The following PTPRD variants were observed in gnomAD, a reference collection of about 807,000 sequenced individuals.
The protein encoded by PTPRD is protein tyrosine phosphatase receptor type D, also known as receptor-type tyrosine-protein phosphatase delta.
In PTPRD, 34 loss-of-function variants were observed where a neutral mutation model predicts 214.5. The observed-to-expected ratio is 0.16, with a 90% CI of 0.12 to 0.21. PTPRD has a LOEUF of 0.21. Ranked by LOEUF, PTPRD falls within the 10% of genes least tolerant of loss-of-function variation. The pLI is 1.00. For missense variants in PTPRD, 2,545 were observed against 2,398.7 expected, an observed-to-expected ratio of 1.06 and a Z score of -1.27; for synonymous variants, 1,128 against 845.7, an observed-to-expected ratio of 1.33 and a Z score of -5.79.
chr9:9,381,151 T>A (rs1401850767), intron 9 of PTPRD, among the ~76,000 whole-genome samples: 1 of 152,126 alleles, frequency 6.6e-6, no homozygotes, highest in African/African-American at 2.4e-5. Flanking sequence ...AATCTCTGTC[T>A]TTTAATTTGT....
At chr9:8,757,481 G>C (rs1192991584) in intron 11 of PTPRD, among the ~76,000 whole-genome samples, 2 of 151,864 alleles carry the variant, frequency 1.3e-5, no homozygotes, top group Non-Finnish European at 2.9e-5. Context: ...GTGTAAGAAG[G>C]AATTAAGATG....
At chr9:10,317,810 T>G (rs1205238415) in intron 3 of PTPRD, among the ~76,000 whole-genome samples, 3 of 152,042 alleles carry the variant, frequency 2.0e-5, no homozygotes, top group Non-Finnish European at 4.4e-5. Context: ...AACGTCTGAC[T>G]ATTCTACTTA....
chr9:9,367,879 G>A (rs2058319521), intron 9 of PTPRD, among the ~76,000 whole-genome samples: 1 of 151,644 alleles, frequency 6.6e-6, no homozygotes, highest in Admixed American at 6.6e-5. Context: ...GATAATAGAG[G>A]TCTATTTTCT....
rs1166530719 is a variant in PTPRD, at chr9:8,439,935, A to ATTTTTTTTTTTTTT, written c.3989-3260_3989-3247dup. Among the ~76,000 whole-genome samples the ATTTTTTTTTTTTTT allele has an allele frequency of 1.8e-3, 134 of 73,316 alleles. 10 individuals carry two copies. Among genetic ancestry groups the ATTTTTTTTTTTTTT allele is most frequent in the Non-Finnish European group, 2.7e-3 (111 of 40,506 alleles). 48.1% of individuals were successfully genotyped at this position (73,316 alleles called of 152,430 possible). A position where few individuals can be genotyped will look rare whatever the true frequency, so the allele number is the denominator to read the frequency against. On this transcript the variant is annotated intron_variant, in intron 34 of 45. Coordinates refer to ENST00000381196, the MANE Select transcript of PTPRD (RefSeq NM_002839.4). Reference sequence around the variant, plus strand: ...CATTTAAATTACTTGATGTGCTTTAATTTTTTTTTTTTTTTTTTTTTTTTT... The same window carrying ATTTTTTTTTTTTTT: ...CATTTAAATTACTTGATGTGCTTTAATTTTTTTTTTTTTTTTTTTTTTTTTTTTTTTTTTTTTTT...
At chr9:9,675,598 T>A (rs1346745127) in intron 7 of PTPRD, among the ~76,000 whole-genome samples, 4 of 151,860 alleles carry the variant, frequency 2.6e-5, no homozygotes, top group Admixed American at 1.3e-4. Context: ...TTTAAAGCAA[T>A]ATAAAAATTT....
chr9:9,537,486 G>C (rs1175318730), intron 8 of PTPRD, among the ~76,000 whole-genome samples: 2 of 151,944 alleles, frequency 1.3e-5, no homozygotes, highest in Non-Finnish European at 2.9e-5. Context: ...TTAGTCCATA[G>C]TCTAATTTTG....
chr9:9,897,839 T>C (rs941160958), intron 5 of PTPRD, among the ~76,000 whole-genome samples: 6 of 152,114 alleles, frequency 3.9e-5, no homozygotes, highest in Non-Finnish European at 5.9e-5. Context: ...AAATTCAGCA[T>C]TGGTAAGCTT....
intron 5 of PTPRD, among the ~76,000 whole-genome samples, chr9:9,896,909 A>G (rs942835732): frequency 1.3e-5 from 2 of 152,084 alleles, no homozygotes; most frequent in Non-Finnish European, 2.9e-5. Flanking sequence ...ATAAAAATTG[A>G]TGAGTGAACG....
At position 10,441,935 on chromosome 9, in the gene PTPRD, T is replaced by G. The variant is rs188476173; in HGVS notation, c.-599-100918A>C. Among the ~76,000 whole-genome samples, 6 of 151,566 alleles carry G rather than the reference T, an allele frequency of 4.0e-5. No individual in the cohort carries two copies. The East Asian group carries it at 1.2e-3, about 29-fold the overall frequency. ...AGTTGACAAGACTAAATATGTCTAC[T>G]GTCACAAGACACATCATGTCTGATG... On this transcript the variant is annotated intron_variant, in intron 2 of 45. Coordinates refer to ENST00000381196, the MANE Select transcript of PTPRD (RefSeq NM_002839.4).
At chr9:9,862,180 C>T (rs2062926825) in intron 5 of PTPRD, among the ~76,000 whole-genome samples, 1 of 151,778 alleles carries the variant, frequency 6.6e-6, no homozygotes, top group Non-Finnish European at 1.5e-5. Flanking sequence ...ACACCTCTTG[C>T]CAAACTTGTT....
intron 5 of PTPRD, among the ~76,000 whole-genome samples, chr9:9,862,100 T>G (rs1172158627): frequency 1.3e-5 from 2 of 152,120 alleles, no homozygotes; most frequent in African/African-American, 4.8e-5. Context: ...AAACTCTCCC[T>G]ATATATTACA....
intron 8 of PTPRD, among the ~76,000 whole-genome samples, chr9:9,479,224 C>G (rs867141973): frequency 9.7e-6 from 1 of 103,416 alleles, no homozygotes; most frequent in Non-Finnish European, 2.2e-5. Flanking sequence ...CGCCCCCCCC[C>G]CCCCCACACA....
At chr9:9,477,080 G>A (rs1412599846) in intron 8 of PTPRD, among the ~76,000 whole-genome samples, 1 of 152,106 alleles carries the variant, frequency 6.6e-6, no homozygotes, top group Non-Finnish European at 1.5e-5. Flanking sequence ...TGCAAAAAAG[G>A]TACTATTTAC....
chr9:10,216,898 G>A (rs1011432511), intron 3 of PTPRD, among the ~76,000 whole-genome samples: 1 of 151,904 alleles, frequency 6.6e-6, no homozygotes, highest in South Asian at 2.1e-4. Context: ...GTCTTCCATG[G>A]GGATGTTCAC....
intron 8 of PTPRD, among the ~76,000 whole-genome samples, chr9:9,560,622 C>T (rs953116621): frequency 6.6e-6 from 1 of 152,178 alleles, no homozygotes; most frequent in Non-Finnish European, 1.5e-5. Flanking sequence ...GACCCACTCA[C>T]TTCATCCCAC....
chr9:9,994,158 T>A (rs1198925726), intron 4 of PTPRD, among the ~76,000 whole-genome samples: 1 of 152,180 alleles, frequency 6.6e-6, no homozygotes, highest in Non-Finnish European at 1.5e-5. Flanking sequence ...AAAGTCTTTG[T>A]CCATAACCAC....
intron 9 of PTPRD, among the ~76,000 whole-genome samples, chr9:9,186,324 G>A (rs1224028535): frequency 6.6e-6 from 1 of 152,082 alleles, no homozygotes; most frequent in Non-Finnish European, 1.5e-5. Context: ...AACTGTAAGA[G>A]CTGAAGTTCA....
intron 6 of PTPRD, among the ~76,000 whole-genome samples, chr9:9,764,020 C>T (rs1372709918): frequency 6.6e-6 from 1 of 152,028 alleles, no homozygotes; most frequent in Non-Finnish European, 1.5e-5. Context: ...ATTTGCACGA[C>T]CCCCATTCCT....
chr9:9,982,789 A>C (rs2095589017), intron 4 of PTPRD, among the ~76,000 whole-genome samples: 1 of 152,162 alleles, frequency 6.6e-6, no homozygotes, highest in Non-Finnish European at 1.5e-5. Flanking sequence ...TGAAGCAAGG[A>C]GGACAATATT....
Sources: allele counts gnomAD v4.1 joint callset (sites outside exome capture counted in the v4.1 genomes callset), GRCh38; gene constraint gnomAD v4.1.1; transcripts MANE v1.5; gene names NCBI Gene and HGNC (gene_info 2026-07-23, HGNC 2026-07-21).